CDC16: variants seen among roughly 807,000 people sequenced by gnomAD.
CDC16 encodes cell division cycle protein 16 homolog.
Under a neutral mutation model 87.0 loss-of-function variants are expected in CDC16, and 34 were observed. The observed-to-expected ratio is 0.39, with a 90% CI of 0.30 to 0.52. The LOEUF (loss-of-function observed/expected upper bound fraction) is 0.52. Ranked by LOEUF, CDC16 falls within the 20% of genes least tolerant of loss-of-function variation. The pLI, the probability that CDC16 is intolerant of heterozygous loss-of-function variation, is 0.74. For missense variants in CDC16, 653 were observed against 751.9 expected, an observed-to-expected ratio of 0.87 and a Z score of 1.54; for synonymous variants, 263 against 260.6, an observed-to-expected ratio of 1.01 and a Z score of -0.09.
At chr13:114,244,714 G>A in intron 8 of CDC16, 176 bp from the exon 9 acceptor site, 1 of 408,800 alleles carries the variant, frequency 2.4e-6, no homozygotes, top group Non-Finnish European at 4.4e-6. Flanking sequence ...TCTTTCATTT[G>A]TAACTTAATT....
At chr13:114,238,289 T>C (rs112640361) in intron 3 of CDC16, among the ~76,000 whole-genome samples, 8,455 of 143,944 alleles carry the variant, frequency 0.059, 198 homozygotes, top group South Asian at 0.13. Context: ...TGCTGTGAGC[T>C]CCTCGGACGC....
At chr13:114,243,735 TC>T (rs2081685930) in intron 7 of CDC16, 120 bp from the exon 8 acceptor site, 1 of 720,612 alleles carries the variant, frequency 1.4e-6, no homozygotes, top group African/African-American at 1.8e-5. Context: ...TTATAAGTTT[TC>T]AGAGGCTCTC....
At chr13:114,239,580 C>T in intron 5 of CDC16, 90 bp downstream of exon 5, 1 of 1,336,358 alleles carries the variant, frequency 7.5e-7, no homozygotes, top group South Asian at 2.5e-5. Flanking sequence ...TTACTTATTA[C>T]TATATTAAAA....
Position 114,243,940 on chromosome 13 carries a change from A to G in CDC16, c.718A>G (p.Arg240Gly). The change falls in exon 8 of 18, where the codon AGA becomes GGA. Residue 240 changes from arginine (R) to glycine (G), a missense_variant. Arg to Gly is a moderately radical substitution (Grantham distance 125). Coordinates refer to ENST00000356221, the MANE Select transcript of CDC16 (RefSeq NM_001078645.3). ...NLDVVVSLAE[R>G]HYYNCDFKMC... ...GGATGTGGTAGTGTCTTTAGCTGAG[A>G]GACATTATTATAACTGTGATTTTAA... is the stretch of plus-strand genomic sequence containing the variant. The G allele has an allele frequency of 6.2e-7, 1 of 1,605,844 alleles. No homozygotes were observed. The highest frequency in any genetic ancestry group is 1.1e-5 in the South Asian group (1 of 90,856).
intron 8 of CDC16, 71 bp downstream of exon 8, chr13:114,244,060 G>A (rs1028268982): frequency 6.7e-6 from 7 of 1,048,050 alleles, no homozygotes; most frequent in East Asian, 2.4e-5. Flanking sequence ...ATTCACGGAC[G>A]TGCTCTCTGA....
In CDC16 at chr13:114,239,420, T is replaced by A; in HGVS notation, c.311T>A (p.Phe104Tyr). 6.2e-7 allele frequency: 1 copy of A among 1,613,396 alleles called. No individual in the cohort carries two copies. The change falls in exon 5 of 18, where the codon TTT becomes TAT. Residue 104 changes from phenylalanine to tyrosine, a missense_variant. Transcript: ENST00000356221. ...GAAGAGCCCATCAATAAAAGATTAT[T>A]TGAAAAATACTTGAAGGACGAAAGT... ...DMEEPINKRL[F>Y]EKYLKDESGF...
At position 114,259,387 on chromosome 13, in the gene CDC16, A is replaced by G. The variant is rs1264626831; in HGVS notation, c.1303A>G (p.Ile435Val). 2 of 1,567,610 alleles carry G rather than the reference A, an allele frequency of 1.3e-6. No individual in the cohort carries two copies. Among genetic ancestry groups the G allele is most frequent in the East Asian group, 2.4e-5 (1 of 42,316 alleles). Residue 435 changes from isoleucine to valine, a missense_variant, in exon 14 of 18, where the codon ATT (isoleucine) becomes GTT (valine). Ile to Val is a conservative substitution (Grantham distance 29). Transcript: ENST00000356221. Reference sequence around the variant, plus strand: ...TGATGCTTTGGAAAAAATTAAAGCAATTGGGAACGAGGTATTCTTTGTAGT... The same window carrying G: ...TGATGCTTTGGAAAAAATTAAAGCAGTTGGGAACGAGGTATTCTTTGTAGT... ...FLDALEKIKA[I>V]GNEVTVDKWE...
intron 12 of CDC16, among the ~76,000 whole-genome samples, chr13:114,254,357 C>G (rs1254943760): frequency 1.3e-5 from 2 of 151,986 alleles, no homozygotes; most frequent in Non-Finnish European, 2.9e-5. Flanking sequence ...CCATTTTAAT[C>G]CCCTTTTTTT....
chr13:114,243,469 G>GTTCTT lies in CDC16; in HGVS notation c.633+121_633+122insTTCTT, dbSNP rs1334918777. On this transcript the variant is annotated intron_variant, in intron 7 of 17. Coordinates refer to ENST00000356221, the MANE Select transcript of CDC16 (RefSeq NM_001078645.3). ...CTTTTTAAATTTAGCACATTTTTAA[G>GTTCTT]AATAGAGCGTTTAAGATACATAAGA... 48 of 548,006 alleles carry GTTCTT rather than the reference G, an allele frequency of 8.8e-5. No individual in the cohort carries two copies. The African/African-American group carries it at 9.1e-4, about 10-fold the overall frequency. The allele number at this position is 548,006 out of a possible 1,614,324, so 33.9% of individuals were successfully genotyped here. A position where few individuals can be genotyped will look rare whatever the true frequency, so the allele number is the denominator to read the frequency against.
intron 16 of CDC16, 129 bp downstream of exon 16, chr13:114,263,143 T>G (rs1263038088): frequency 1.3e-6 from 1 of 768,888 alleles, no homozygotes; most frequent in Non-Finnish European, 2.1e-6. Flanking sequence ...CGTGTTATTC[T>G]TTTCTTTGCA....
chr13:114,253,230 C>T (rs997205432), intron 12 of CDC16, among the ~76,000 whole-genome samples: 4 of 152,220 alleles, frequency 2.6e-5, no homozygotes, highest in South Asian at 2.1e-4. Flanking sequence ...AATATTTTTA[C>T]GTGTCCTTTA....
At chr13:114,268,529 A>G (rs75080261) in intron 17 of CDC16, among the ~76,000 whole-genome samples, 3,718 of 152,314 alleles carry the variant, frequency 0.024, 156 homozygotes, top group African/African-American at 0.085. Context: ...GGTCTGTGGC[A>G]GATCAGAGGC....
intron 5 of CDC16, among the ~76,000 whole-genome samples, chr13:114,241,479 T>C (rs1338884870): frequency 6.6e-6 from 1 of 152,166 alleles, no homozygotes; most frequent in African/African-American, 2.4e-5. Context: ...ACACTGTCAA[T>C]CTTGGAGTTT....
chr13:114,271,635 C>T (rs1041400985), intron 17 of CDC16, among the ~76,000 whole-genome samples: 9 of 151,790 alleles, frequency 5.9e-5, no homozygotes, highest in Middle Eastern at 3.4e-3. Context: ...CCACCATGCC[C>T]GGCTAATTTT....
rs1022589471 is a variant in CDC16, at chr13:114,272,627, T to G, written c.*184T>G. 1 of 516,828 alleles carries G rather than the reference T, an allele frequency of 1.9e-6. No individual in the cohort carries two copies. The highest frequency in any genetic ancestry group is 3.7e-5 in the Admixed American group (1 of 27,050). 32.0% of individuals were successfully genotyped at this position (516,828 alleles called of 1,614,324 possible). A position where few individuals can be genotyped will look rare whatever the true frequency, so the allele number is the denominator to read the frequency against. On this transcript the variant is annotated 3_prime_UTR_variant, in exon 18 of 18. Transcript: ENST00000356221. ...TTGCAACAGATGTGTTCTGATTCTC[T>G]GAACCTACAAAATAGTTATACATAG...
chr13:114,259,682 A>G (rs987260439), intron 14 of CDC16, among the ~76,000 whole-genome samples: 5 of 152,220 alleles, frequency 3.3e-5, no homozygotes, highest in Non-Finnish European at 7.3e-5. Context: ...GAAGCTAGGA[A>G]TAGTCATTGG....
At chr13:114,239,748 C>G (rs778364758) in intron 5 of CDC16, among the ~76,000 whole-genome samples, 2 of 152,190 alleles carry the variant, frequency 1.3e-5, no homozygotes, top group African/African-American at 2.4e-5. Context: ...ATGCCTTAAG[C>G]TACTCCCTAA....
At chr13:114,238,095 C>T (rs905022056) in intron 3 of CDC16, among the ~76,000 whole-genome samples, 1 of 152,006 alleles carries the variant, frequency 6.6e-6, no homozygotes, top group African/African-American at 2.4e-5. Flanking sequence ...ACACTCAGGG[C>T]CTGAAGTGGA....
intron 12 of CDC16, among the ~76,000 whole-genome samples, chr13:114,255,834 G>A (rs931059679): frequency 6.6e-6 from 1 of 152,016 alleles, no homozygotes; most frequent in African/African-American, 2.4e-5. Context: ...TTAGAGATGG[G>A]GTCTCACTGT....
Sources: allele counts gnomAD v4.1 joint callset (sites outside exome capture counted in the v4.1 genomes callset), GRCh38; gene constraint gnomAD v4.1.1; transcripts MANE v1.5; gene names NCBI Gene and HGNC (gene_info 2026-07-23, HGNC 2026-07-21).